CAMSAP2: variants seen among roughly 807,000 people sequenced by gnomAD.
CAMSAP2 encodes calmodulin-regulated spectrin-associated protein 2.
In CAMSAP2, 26 loss-of-function variants were observed where a neutral mutation model predicts 146.1. That is an observed-to-expected ratio of 0.18 (90% CI 0.13 to 0.25). The LOEUF is 0.25. Ranked by LOEUF, CAMSAP2 falls within the 10% of genes least tolerant of loss-of-function variation. The pLI is 1.00. For missense variants in CAMSAP2, 1,381 were observed against 1,759.3 expected, an observed-to-expected ratio of 0.78 and a Z score of 3.85; for synonymous variants, 499 against 596.6, an observed-to-expected ratio of 0.84 and a Z score of 2.38.
chr1:200,757,668 A>G (rs1324624737), intron 1 of CAMSAP2, among the ~76,000 whole-genome samples: 2 of 152,192 alleles, frequency 1.3e-5, no homozygotes, highest in African/African-American at 2.4e-5. Context: ...GTAAAATGAT[A>G]GACACATTTG....
chr1:200,791,664 A>G (rs544032524), intron 2 of CAMSAP2, among the ~76,000 whole-genome samples: 2 of 152,272 alleles, frequency 1.3e-5, no homozygotes, highest in East Asian at 3.9e-4. Context: ...TCAAAGATGT[A>G]TTCTGTTGCA....
chr1:200,747,935 C>A (rs1043024242), intron 1 of CAMSAP2, among the ~76,000 whole-genome samples: 1 of 145,994 alleles, frequency 6.8e-6, no homozygotes, highest in Non-Finnish European at 1.5e-5. Flanking sequence ...TGCAGTGAGC[C>A]GAGATCCTGC....
chr1:200,859,892 ATAATT>A lies in CAMSAP2; in HGVS notation c.*1838_*1842del, dbSNP rs1195264436. On this transcript the variant is annotated 3_prime_UTR_variant, in exon 17 of 17. Transcript: ENST00000358823. ...CAAAATGTGAATAGTAGTCAAAAGG[ATAATT>A]TAATAAGCATTTTACGTTACTAAAT... 6.6e-6 allele frequency: 1 copy of A among 152,370 alleles called. No homozygotes were observed. The allele number at this position is 152,370 out of a possible 1,614,324, so 9.4% of individuals were successfully genotyped here.
chr1:200,829,794 G>A (rs1401132073), intron 4 of CAMSAP2, among the ~76,000 whole-genome samples: 2 of 151,920 alleles, frequency 1.3e-5, no homozygotes, highest in African/African-American at 2.4e-5. Context: ...AGGCATAATG[G>A]TACACATTTG....
Position 200,778,637 on chromosome 1 carries a change from A to G in CAMSAP2, c.399+17539A>G, listed in dbSNP as rs552045088. 6.6e-5 allele frequency among the ~76,000 whole-genome samples: 10 copies of G among 152,348 alleles called. No individual in the cohort carries two copies. In the East Asian group the frequency reaches 1.9e-3, roughly 29 times the overall value. On this transcript the variant is annotated intron_variant, in intron 2 of 16. Coordinates refer to ENST00000358823, the MANE Select transcript of CAMSAP2 (RefSeq NM_203459.4). The stretch of plus-strand genomic sequence containing the variant: ...ACAAATAATTAATCATGTTTAATAT[A>G]TAATACCTGCATTTTTACCAGTTTT...
At chr1:200,841,273 G>A (rs931798251) in intron 6 of CAMSAP2, among the ~76,000 whole-genome samples, 24 of 152,178 alleles carry the variant, frequency 1.6e-4, no homozygotes, top group African/African-American at 5.3e-4. Context: ...TTAAGACGGA[G>A]TCTTGCCCTG....
chr1:200,828,359 A>G (rs1210708913), intron 4 of CAMSAP2, among the ~76,000 whole-genome samples: 4 of 152,174 alleles, frequency 2.6e-5, no homozygotes, highest in Non-Finnish European at 4.4e-5. Flanking sequence ...CTGTATGGGG[A>G]GAGGAGAGAG....
At chr1:200,828,672 CTTGCTG>C (rs1666965772) in intron 4 of CAMSAP2, 36 of 1,407,870 alleles carry the variant, frequency 2.6e-5, no homozygotes, top group Non-Finnish European at 3.4e-5. Flanking sequence ...TTGTTTATGT[CTTGCTG>C]TTAAAGTCAT....
Position 200,856,077 on chromosome 1 carries a change from G to A in CAMSAP2, c.3964G>A (p.Glu1322Lys). ...CAGTCGAAATGGAGAAAAAGACTGGGAGAATGCATCAACAACTTCTTCAGT... is the reference window on the plus strand; with the variant it reads ...CAGTCGAAATGGAGAAAAAGACTGGAAGAATGCATCAACAACTTCTTCAGT... ...CGSRNGEKDW[E>K]NASTTSSVAS... is the part of the protein sequence containing the mutation. The change falls in exon 15 of 17, where the codon GAG becomes AAG. Residue 1322 changes from glutamate (E) to lysine (K), a missense_variant. Glu to Lys is a moderately conservative substitution (Grantham distance 56). Coordinates refer to ENST00000358823, the MANE Select transcript of CAMSAP2 (RefSeq NM_203459.4). The A allele has an allele frequency of 6.2e-7, 1 of 1,614,046 alleles. No homozygotes were observed. The highest frequency in any genetic ancestry group is 8.5e-7 in the Non-Finnish European group (1 of 1,179,914).
intron 2 of CAMSAP2, among the ~76,000 whole-genome samples, chr1:200,795,480 A>G (rs1665861808): frequency 6.6e-6 from 1 of 152,192 alleles, no homozygotes; most frequent in Non-Finnish European, 1.5e-5. Context: ...TGGTTTGACT[A>G]CTAGTATGCC....
Position 200,859,005 on chromosome 1 carries a change from C to A in CAMSAP2, c.*946C>A, listed in dbSNP as rs917990122. 6.6e-6 allele frequency: 1 copy of A among 152,402 alleles called. No individual in the cohort carries two copies. The highest frequency in any genetic ancestry group is 2.4e-5 in the African/African-American group (1 of 41,422). 9.4% of individuals were successfully genotyped at this position (152,402 alleles called of 1,614,324 possible). ...AGAAGTCTTTACATTATATTTATAACTCATATAAAAATTATATTTAGAATT... is the reference window on the plus strand; with the variant it reads ...AGAAGTCTTTACATTATATTTATAAATCATATAAAAATTATATTTAGAATT... On this transcript the variant is annotated 3_prime_UTR_variant, in exon 17 of 17. Coordinates refer to ENST00000358823, the MANE Select transcript of CAMSAP2 (RefSeq NM_203459.4).
chr1:200,823,973 G>T (rs1239831192), intron 4 of CAMSAP2, among the ~76,000 whole-genome samples: 2 of 151,522 alleles, frequency 1.3e-5, no homozygotes, highest in Non-Finnish European at 2.9e-5. Context: ...TGTTTATTTT[G>T]TTGCTCAAAA....
Position 200,841,424 on chromosome 1 carries a change from C to CT in CAMSAP2, c.928-567dup, listed in dbSNP as rs1667320790. Among the ~76,000 whole-genome samples, 3 of 152,016 alleles carry CT rather than the reference C, an allele frequency of 2.0e-5. No individual in the cohort carries two copies. In the South Asian group the frequency reaches 6.2e-4, roughly 32 times the overall value. On this transcript the variant is annotated intron_variant, in intron 6 of 16. Transcript: ENST00000358823. ...ACCACACCCGGCTAGTTTTTTGTAT[C>CT]TTTAGTAGAGACGGGGTTTCACCTT...
intron 2 of CAMSAP2, among the ~76,000 whole-genome samples, chr1:200,772,247 A>T (rs1254095676): frequency 6.6e-6 from 1 of 152,210 alleles, no homozygotes; most frequent in Non-Finnish European, 1.5e-5. Flanking sequence ...AAAAAAAAAT[A>T]TGGGTTGTGA....
At position 200,817,190 on chromosome 1, in the gene CAMSAP2, AT is replaced by A. The variant is rs1558192136; in HGVS notation, c.645+1547del. ...CGTGTGTGTATATACACACACACAC[AT>A]GTGTGTGTGTATACACACATACACA... On this transcript the variant is annotated intron_variant, in intron 4 of 16. Transcript: ENST00000358823. Among the ~76,000 whole-genome samples, 264 of 77,396 alleles carry A rather than the reference AT, an allele frequency of 3.4e-3. 3 individuals are homozygous for A. The highest frequency in any genetic ancestry group is 0.018 in the African/African-American group (240 of 13,504). 50.8% of individuals were successfully genotyped at this position (77,396 alleles called of 152,430 possible). A position where few individuals can be genotyped will look rare whatever the true frequency, so the allele number is the denominator to read the frequency against.
intron 2 of CAMSAP2, among the ~76,000 whole-genome samples, chr1:200,794,451 T>C (rs1384553896): frequency 6.6e-6 from 1 of 152,192 alleles, no homozygotes; most frequent in Admixed American, 6.5e-5. Context: ...GGGAATGTTA[T>C]TTAGAAACCA....
At chr1:200,762,425 G>A (rs947958478) in intron 2 of CAMSAP2, among the ~76,000 whole-genome samples, 4 of 152,100 alleles carry the variant, frequency 2.6e-5, no homozygotes, top group Non-Finnish European at 5.9e-5. Flanking sequence ...CATATCATAT[G>A]TGAACAGTTT....
At chr1:200,825,130 C>G (rs1300192285) in intron 4 of CAMSAP2, among the ~76,000 whole-genome samples, 1 of 152,060 alleles carries the variant, frequency 6.6e-6, no homozygotes, top group Non-Finnish European at 1.5e-5. Context: ...TTATATTATT[C>G]CTTTGAAATA....
intron 1 of CAMSAP2, among the ~76,000 whole-genome samples, chr1:200,753,509 C>T (rs1025747592): frequency 6.6e-6 from 1 of 152,040 alleles, no homozygotes; most frequent in Admixed American, 6.5e-5. Context: ...AGATGTCCCC[C>T]TCCACCCTTG....
Sources: allele counts gnomAD v4.1 joint callset (sites outside exome capture counted in the v4.1 genomes callset), GRCh38; gene constraint gnomAD v4.1.1; transcripts MANE v1.5; gene names NCBI Gene and HGNC (gene_info 2026-07-23, HGNC 2026-07-21).